Variants in ARHGAP29 observed in about 807,000 individuals in gnomAD.
The protein encoded by ARHGAP29 is Rho GTPase activating protein 29.
Under a neutral mutation model 122.6 loss-of-function variants are expected in ARHGAP29, and 43 were observed. That is an observed-to-expected ratio of 0.35 (90% CI 0.27 to 0.45). ARHGAP29 has a LOEUF of 0.45. Among genes scored for constraint, ARHGAP29 ranks in the 20% least tolerant of loss-of-function variants. The pLI is 1.00. For missense variants in ARHGAP29, 1,303 were observed against 1,477.2 expected, an observed-to-expected ratio of 0.88 and a Z score of 1.93; for synonymous variants, 506 against 497.1, an observed-to-expected ratio of 1.02 and a Z score of -0.24.
intron 1 of ARHGAP29, among the ~76,000 whole-genome samples, chr1:94,262,275 T>G (rs1047944249): frequency 3.9e-5 from 6 of 152,106 alleles, no homozygotes; most frequent in African/African-American, 1.4e-4. Context: ...ATTAAAGACT[T>G]AAATGTAAAA....
chr1:94,213,356 T>C (rs1651772608), intron 3 of ARHGAP29, among the ~76,000 whole-genome samples: 1 of 152,138 alleles, frequency 6.6e-6, no homozygotes, highest in Non-Finnish European at 1.5e-5. Context: ...ATTTTTTTTG[T>C]ATTTTTTAGT....
intron 1 of ARHGAP29, chr1:94,247,763 C>T: frequency 5.5e-6 from 3 of 547,866 alleles, no homozygotes; most frequent in Non-Finnish European, 7.0e-6. Flanking sequence ...ACGGCTGCGC[C>T]GGCCGCCTGC....
the ARHGAP29 span, among the ~76,000 whole-genome samples, chr1:94,283,071 T>G: frequency 6.6e-6 from 1 of 152,078 alleles, no homozygotes; most frequent in Non-Finnish European, 1.5e-5. Context: ...GTCAGCAACA[T>G]TTTTTTAACC....
intron 1 of ARHGAP29, among the ~76,000 whole-genome samples, chr1:94,260,887 T>C (rs780361281): frequency 2.0e-5 from 3 of 152,148 alleles, no homozygotes; most frequent in Non-Finnish European, 4.4e-5. Context: ...CTAAAGCAGC[T>C]TCTATCTTAT....
chr1:94,201,838 A>T lies in ARHGAP29; in HGVS notation c.1163T>A (p.Leu388His). ...ALQKVEEANELYKVCVTNVEE... is the reference protein window; with the variant it reads ...ALQKVEEANEHYKVCVTNVEE... ...AACATTTGTCACACAAACTTTGTAA[A>T]GTTCATTTGCTTCTTCTACCTTCAC... Residue 388 changes from leucine to histidine, a missense_variant, in exon 12 of 23, where the codon CTT becomes CAT. Transcript: ENST00000260526. 2 of 1,609,970 alleles carry T rather than the reference A, an allele frequency of 1.2e-6. No individual in the cohort carries two copies. Among genetic ancestry groups the T allele is most frequent in the East Asian group, 2.2e-5 (1 of 44,726 alleles).
chr1:94,237,066 G>A (rs1653320875), intron 1 of ARHGAP29, among the ~76,000 whole-genome samples: 1 of 152,218 alleles, frequency 6.6e-6, no homozygotes, highest in South Asian at 2.1e-4. Flanking sequence ...CATTAAAAGA[G>A]TTAAAATGTG....
chr1:94,289,662 T>G, the ARHGAP29 span, among the ~76,000 whole-genome samples: 1 of 152,238 alleles, frequency 6.6e-6, no homozygotes, highest in African/African-American at 2.4e-5. Context: ...TTGAGATACG[T>G]TCCGTCAATA....
At position 94,202,957 on chromosome 1, in the gene ARHGAP29, T is replaced by C; in HGVS notation, c.915A>G (p.Lys305=). The C allele has an allele frequency of 6.2e-7, 1 of 1,609,546 alleles. No homozygotes were observed. Residue 305 remains lysine (K), a synonymous_variant, in exon 10 of 23, where the codon AAA becomes AAG. Coordinates refer to ENST00000260526, the MANE Select transcript of ARHGAP29 (RefSeq NM_004815.4). ...GRKNEMEKQR[K]EIKELWKQEQ... is the part of the protein sequence containing the mutation. ...CCTGTTTCCAAAGCTCTTTTATTTC[T>C]TTCCTTTGTTTTTCCATTTCATTTT...
At chr1:94,301,635 AC>A in the ARHGAP29 span, among the ~76,000 whole-genome samples, 2 of 152,190 alleles carry the variant, frequency 1.3e-5, no homozygotes, top group East Asian at 3.9e-4. Context: ...ACAGTCATAG[AC>A]AGAGCTCCTC....
rs748254405 is a variant in ARHGAP29, at chr1:94,202,583, T to C, written c.1104A>G (p.Leu368=). ...CCTCTTCCAACCTTCGCTTTTTTTC[T>C]AGTTGCTTGTTGAGATTTTTTGCTA... is the stretch of plus-strand genomic sequence containing the variant. The part of the protein sequence containing the change: ...GGLAKNLNKQ[L]EKKRRLEEEA... The change falls in exon 11 of 23, where the codon CTA becomes CTG. Residue 368 remains leucine (L), a synonymous_variant. Transcript: ENST00000260526. 1 of 1,614,202 alleles carries C rather than the reference T, an allele frequency of 6.2e-7. No homozygotes were observed.
intron 1 of ARHGAP29, among the ~76,000 whole-genome samples, chr1:94,234,242 T>A (rs1051147032): frequency 5.9e-5 from 9 of 152,264 alleles, no homozygotes; most frequent in African/African-American, 2.2e-4. Context: ...CATAGCACAA[T>A]GCTTGGCGTA....
At chr1:94,282,195 A>C in the ARHGAP29 span, among the ~76,000 whole-genome samples, 79 of 152,084 alleles carry the variant, frequency 5.2e-4, no homozygotes, top group African/African-American at 1.7e-3. Flanking sequence ...TTAAAAAAAA[A>C]GTTCCATGGT....
intron 1 of ARHGAP29, among the ~76,000 whole-genome samples, chr1:94,265,925 A>C (rs1308683010): frequency 6.6e-6 from 1 of 152,198 alleles, no homozygotes; most frequent in Non-Finnish European, 1.5e-5. Context: ...CCAAAAATCC[A>C]TGAGTGTCTG....
At chr1:94,225,036 G>A (rs1652537288) in intron 2 of ARHGAP29, among the ~76,000 whole-genome samples, 1 of 152,054 alleles carries the variant, frequency 6.6e-6, no homozygotes, top group African/African-American at 2.4e-5. Context: ...AATCACAAAG[G>A]TTCATAAACT....
the ARHGAP29 span, among the ~76,000 whole-genome samples, chr1:94,305,263 C>T: frequency 6.6e-6 from 1 of 152,214 alleles, no homozygotes; most frequent in Non-Finnish European, 1.5e-5. Flanking sequence ...GAAATGGCAG[C>T]ATCAGCCAAT....
At chr1:94,179,676 A>G in intron 20 of ARHGAP29, 49 bp downstream of exon 20, 3 of 1,249,070 alleles carry the variant, frequency 2.4e-6, no homozygotes, top group Non-Finnish European at 3.4e-6. Flanking sequence ...AAAACAAAAA[A>G]CAAATCAATT....
intron 2 of ARHGAP29, among the ~76,000 whole-genome samples, chr1:94,223,369 G>A (rs1652431789): frequency 6.6e-6 from 1 of 152,078 alleles, no homozygotes; most frequent in Non-Finnish European, 1.5e-5. Flanking sequence ...CTAACTTCAT[G>A]GCTGAGAAAC....
At chr1:94,261,099 T>A (rs938086356) in intron 1 of ARHGAP29, among the ~76,000 whole-genome samples, 8 of 152,180 alleles carry the variant, frequency 5.3e-5, no homozygotes, top group Non-Finnish European at 1.0e-4. Context: ...TCCATCAGAT[T>A]GGACTTTTTG....
At position 94,168,920 on chromosome 1, in the gene ARHGAP29, G is replaced by A. The variant is rs78964870; in HGVS notation, c.*4949C>T. Among the ~76,000 whole-genome samples, 2,011 of 152,252 alleles carry A rather than the reference G, an allele frequency of 0.013. 48 individuals are homozygous for A. Among genetic ancestry groups the A allele is most frequent in the African/African-American group, 0.046 (1,911 of 41,544 alleles). On this transcript the variant is annotated 3_prime_UTR_variant, in exon 23 of 23. Coordinates refer to ENST00000260526, the MANE Select transcript of ARHGAP29 (RefSeq NM_004815.4). ...AACTCAGAAGCATAGCCAATTAGTC[G>A]TTTAATCTATTTTCTGAACTGCATG...
Sources: allele counts gnomAD v4.1 joint callset (sites outside exome capture counted in the v4.1 genomes callset), GRCh38; gene constraint gnomAD v4.1.1; transcripts MANE v1.5; gene names NCBI Gene and HGNC (gene_info 2026-07-23, HGNC 2026-07-21).